The following MAF variants were observed in gnomAD, a reference collection of about 807,000 sequenced individuals.
The protein encoded by MAF is MAF bZIP transcription factor.
Under a neutral mutation model 22.0 loss-of-function variants are expected in MAF, and 10 were observed. That is an observed-to-expected ratio of 0.45 (90% CI 0.28 to 0.77). The LOEUF is 0.77. MAF is among the 30% of genes least tolerant of loss of function. The pLI is 0.12. For synonymous variants in MAF, 337 were observed against 255.8 expected, an observed-to-expected ratio of 1.32 and a Z score of -3.03; for missense variants, 544 against 548.4, an observed-to-expected ratio of 0.99 and a Z score of 0.08.
At chr16:79,578,875 G>A in the MAF span, among the ~76,000 whole-genome samples, 1 of 152,150 alleles carries the variant, frequency 6.6e-6, no homozygotes. Flanking sequence ...TTTATTTGCA[G>A]CAAGCAGAAA....
At chr16:79,241,319 T>C in the MAF span, among the ~76,000 whole-genome samples, 2 of 152,074 alleles carry the variant, frequency 1.3e-5, no homozygotes, top group Non-Finnish European at 2.9e-5. Flanking sequence ...AATTGCTAAC[T>C]GGAATAACCA....
At chr16:79,464,026 A>G in the MAF span, among the ~76,000 whole-genome samples, 1 of 151,968 alleles carries the variant, frequency 6.6e-6, no homozygotes, top group Non-Finnish European at 1.5e-5. Context: ...TTGGACGGAG[A>G]AGGAAAAGGA....
At chr16:79,302,353 T>C in the MAF span, among the ~76,000 whole-genome samples, 4 of 152,214 alleles carry the variant, frequency 2.6e-5, no homozygotes, top group African/African-American at 4.8e-5. Context: ...TGGAGAAAGC[T>C]TTTAATTAGC....
chr16:79,352,391 C>T, the MAF span, among the ~76,000 whole-genome samples: 3 of 152,060 alleles, frequency 2.0e-5, no homozygotes, highest in Non-Finnish European at 4.4e-5. Flanking sequence ...GGTGTCATAG[C>T]ACTGAGGTGG....
At chr16:79,287,118 CTTT>C in the MAF span, among the ~76,000 whole-genome samples, 26 of 136,162 alleles carry the variant, frequency 1.9e-4, no homozygotes, top group East Asian at 4.3e-4. Context: ...CTCTGCCTTC[CTTT>C]TTTTTTTTTT....
At chr16:79,451,028 CT>C in the MAF span, among the ~76,000 whole-genome samples, 5 of 152,040 alleles carry the variant, frequency 3.3e-5, no homozygotes, top group African/African-American at 9.7e-5. Flanking sequence ...GTAATCTTAC[CT>C]GTACAGCAAC....
At chr16:79,543,075 A>G in the MAF span, among the ~76,000 whole-genome samples, 3 of 152,272 alleles carry the variant, frequency 2.0e-5, no homozygotes, top group African/African-American at 7.2e-5. Flanking sequence ...GCCTTTTAAA[A>G]GCAGAACCAC....
the MAF span, among the ~76,000 whole-genome samples, chr16:79,395,204 G>T: frequency 6.6e-6 from 1 of 152,196 alleles, no homozygotes; most frequent in Non-Finnish European, 1.5e-5. Context: ...GCTTAGGCCT[G>T]AGCCTGTGCC....
chr16:79,587,324 A>G (rs1302580011), intron 1 of MAF, among the ~76,000 whole-genome samples: 3 of 152,198 alleles, frequency 2.0e-5, no homozygotes, highest in Non-Finnish European at 2.9e-5. Flanking sequence ...GAAACAAGAA[A>G]CAGACTGAAG....
At chr16:79,209,878 G>C in the MAF span, among the ~76,000 whole-genome samples, 10 of 152,334 alleles carry the variant, frequency 6.6e-5, no homozygotes, top group East Asian at 1.7e-3. Context: ...TCAGTGAAAG[G>C]AAATTTGGAT....
the MAF span, among the ~76,000 whole-genome samples, chr16:79,506,868 T>C: frequency 2.0e-5 from 3 of 152,150 alleles, no homozygotes; most frequent in Non-Finnish European, 4.4e-5. Context: ...GAAATTTGGA[T>C]TTTATTTTTA....
chr16:79,435,519 T>A, the MAF span, among the ~76,000 whole-genome samples: 1 of 152,216 alleles, frequency 6.6e-6, no homozygotes. Context: ...CAGTCATTCA[T>A]GCCTTACAAC....
At chr16:79,562,491 G>A in the MAF span, among the ~76,000 whole-genome samples, 2 of 152,166 alleles carry the variant, frequency 1.3e-5, no homozygotes, top group African/African-American at 4.8e-5. Flanking sequence ...AATACATTTT[G>A]TAGGCTTAAA....
At chr16:79,547,934 G>GAT in the MAF span, among the ~76,000 whole-genome samples, 2 of 151,034 alleles carry the variant, frequency 1.3e-5, no homozygotes, top group South Asian at 2.1e-4. Flanking sequence ...GAGAGAGAGA[G>GAT]AGAGAGAGAA....
chr16:79,324,278 A>G, the MAF span, among the ~76,000 whole-genome samples: 2 of 152,160 alleles, frequency 1.3e-5, no homozygotes, highest in African/African-American at 2.4e-5. Flanking sequence ...TGTTGGTATT[A>G]CAGTTGGTCT....
At chr16:79,588,564 C>A (rs527871685) in intron 1 of MAF, among the ~76,000 whole-genome samples, 1 of 151,554 alleles carries the variant, frequency 6.6e-6, no homozygotes, top group Non-Finnish European at 1.5e-5. Context: ...CAGGTTCAAG[C>A]GATTCTCCTG....
the MAF span, chr16:79,206,062 C>G: frequency 2.0e-5 from 3 of 152,186 alleles, no homozygotes; most frequent in Admixed American, 6.5e-5. Flanking sequence ...GAAGGGGGTG[C>G]TGAGTCTTCA....
the MAF span, among the ~76,000 whole-genome samples, chr16:79,356,659 G>T: frequency 6.6e-6 from 1 of 152,134 alleles, no homozygotes; most frequent in Non-Finnish European, 1.5e-5. Flanking sequence ...TGTTGCTGCT[G>T]CCTGAAACAC....
chr16:79,382,625 G>A, the MAF span, among the ~76,000 whole-genome samples: 3 of 152,160 alleles, frequency 2.0e-5, no homozygotes, highest in African/African-American at 7.2e-5. Context: ...TGGTAATATT[G>A]TTTTTTAAAA....
Sources: allele counts gnomAD v4.1 joint callset (sites outside exome capture counted in the v4.1 genomes callset), GRCh38; gene constraint gnomAD v4.1.1; transcripts MANE v1.5; gene names NCBI Gene and HGNC (gene_info 2026-07-23, HGNC 2026-07-21).